Variants in KCNQ3 observed in about 807,000 individuals in gnomAD.
KCNQ3 encodes the protein potassium voltage-gated channel subfamily Q member 3.
Under a neutral mutation model 92.5 loss-of-function variants are expected in KCNQ3, and 30 were observed. The ratio of observed to expected loss-of-function variants is 0.32; its 90% CI spans 0.24 to 0.44. KCNQ3 has a LOEUF of 0.44. KCNQ3 is among the 20% of genes least tolerant of loss of function. The pLI, the probability that KCNQ3 is intolerant of heterozygous loss-of-function variation, is 1.00. For missense variants in KCNQ3, 913 were observed against 1,140.3 expected (o/e 0.80, Z 2.87); for synonymous variants, 450 against 468.8 (o/e 0.96, Z 0.52).
At chr8:132,257,048 T>C (rs1815611516) in intron 1 of KCNQ3, among the ~76,000 whole-genome samples, 1 of 152,164 alleles carries the variant, frequency 6.6e-6, no homozygotes, top group African/African-American at 2.4e-5. Flanking sequence ...TAATTATAAA[T>C]GTTTGTGAGC....
At chr8:132,148,653 C>T (rs1825536245) in intron 9 of KCNQ3, among the ~76,000 whole-genome samples, 1 of 152,196 alleles carries the variant, frequency 6.6e-6, no homozygotes, top group Non-Finnish European at 1.5e-5. Flanking sequence ...AAAAGATCAG[C>T]CTTCACCAAT....
intron 1 of KCNQ3, among the ~76,000 whole-genome samples, chr8:132,471,234 A>G (rs1436735199): frequency 4.6e-5 from 7 of 152,146 alleles, no homozygotes; most frequent in African/African-American, 9.7e-5. Flanking sequence ...TCACTCTTCT[A>G]TTGAGTACAC....
intron 1 of KCNQ3, among the ~76,000 whole-genome samples, chr8:132,187,820 T>TGGTGGC (rs1563795692): frequency 6.8e-6 from 1 of 146,206 alleles, no homozygotes; most frequent in African/African-American, 2.7e-5. Flanking sequence ...GTGGTGGTGG[T>TGGTGGC]GGTGGTGGTG....
intron 1 of KCNQ3, among the ~76,000 whole-genome samples, chr8:132,451,222 T>G (rs145728120): frequency 4.6e-4 from 70 of 152,354 alleles, no homozygotes; most frequent in Middle Eastern, 3.4e-3. Flanking sequence ...CCTGCTGCCA[T>G]GTAAAACGTG....
At chr8:132,163,590 G>C (rs1586788144) in intron 8 of KCNQ3, 96 bp from the exon 9 acceptor site, 2 of 1,072,858 alleles carry the variant, frequency 1.9e-6, no homozygotes, top group Admixed American at 1.8e-5. Flanking sequence ...CTCTGAAGAT[G>C]ATGGAGCAGA....
At chr8:132,314,919 C>T (rs1307932687) in intron 1 of KCNQ3, among the ~76,000 whole-genome samples, 1 of 152,114 alleles carries the variant, frequency 6.6e-6, no homozygotes, top group Non-Finnish European at 1.5e-5. Flanking sequence ...GATAGAAAAA[C>T]AACAACAACC....
At chr8:132,156,244 C>T (rs1395007370) in intron 9 of KCNQ3, among the ~76,000 whole-genome samples, 1 of 151,720 alleles carries the variant, frequency 6.6e-6, no homozygotes, top group Non-Finnish European at 1.5e-5. Context: ...CTCTTCAAGA[C>T]ATGATAGGTA....
chr8:132,130,233 C>A (rs1160290731), intron 14 of KCNQ3, among the ~76,000 whole-genome samples: 3 of 152,058 alleles, frequency 2.0e-5, no homozygotes, highest in Non-Finnish European at 4.4e-5. Context: ...AGGCACCCGC[C>A]ACCATGCCAG....
At chr8:132,469,940 TG>T (rs1339418895) in intron 1 of KCNQ3, among the ~76,000 whole-genome samples, 1 of 152,026 alleles carries the variant, frequency 6.6e-6, no homozygotes, top group African/African-American at 2.4e-5. Context: ...CATCCCTGGC[TG>T]CTTAAACCTC....
At position 132,246,386 on chromosome 8, in the gene KCNQ3, T is replaced by C. The variant is rs1815180376; in HGVS notation, c.387-60205A>G. The stretch of plus-strand genomic sequence containing the variant: ...GAAGAAGCTACAAAGTTAACAGAAA[T>C]AGGAGGTTTGCAGAGAAATATGCTG... On this transcript the variant is annotated intron_variant, in intron 1 of 14. Coordinates refer to ENST00000388996, the MANE Select transcript of KCNQ3 (RefSeq NM_004519.4). 2.6e-5 allele frequency among the ~76,000 whole-genome samples: 4 copies of C among 152,072 alleles called. No individual in the cohort carries two copies. In the South Asian group the frequency reaches 8.3e-4, roughly 32 times the overall value.
At chr8:132,387,431 T>C (rs532543710) in intron 1 of KCNQ3, among the ~76,000 whole-genome samples, 18 of 152,214 alleles carry the variant, frequency 1.2e-4, no homozygotes, top group African/African-American at 3.9e-4. Context: ...TTGAAACCAA[T>C]AGGAAACATC....
chr8:132,302,181 G>A (rs904388567), intron 1 of KCNQ3, among the ~76,000 whole-genome samples: 8 of 152,218 alleles, frequency 5.3e-5, no homozygotes, highest in African/African-American at 4.8e-5. Flanking sequence ...CTGAAGAGTA[G>A]AGAACGTGAA....
rs1268902942 is a variant in KCNQ3, at chr8:132,124,560, T to C, written c.*4702A>G. 6.6e-6 allele frequency: 1 copy of C among 152,240 alleles called. No homozygotes were observed. Among genetic ancestry groups the C allele is most frequent in the Non-Finnish European group, 1.5e-5 (1 of 68,040 alleles). 9.4% of individuals were successfully genotyped at this position (152,240 alleles called of 1,614,324 possible). A position where few individuals can be genotyped will look rare whatever the true frequency, so the allele number is the denominator to read the frequency against. ...CTGGCTTCTAAAACCACTAAAGCTA[T>C]GCAGATAGCCTGGTCCTAACATGTT... On this transcript the variant is annotated 3_prime_UTR_variant, in exon 15 of 15. Transcript: ENST00000388996.
At chr8:132,265,725 T>A (rs1314813524) in intron 1 of KCNQ3, among the ~76,000 whole-genome samples, 1 of 152,212 alleles carries the variant, frequency 6.6e-6, no homozygotes, top group Non-Finnish European at 1.5e-5. Context: ...CTACCACTCA[T>A]ATAGAACTAA....
At chr8:132,160,638 T>C (rs778164415) in intron 9 of KCNQ3, among the ~76,000 whole-genome samples, 1 of 149,314 alleles carries the variant, frequency 6.7e-6, no homozygotes, top group Admixed American at 6.6e-5. Flanking sequence ...AATCAGTTTA[T>C]TGAAAAGAAC....
chr8:132,317,577 A>G (rs532453577), intron 1 of KCNQ3, among the ~76,000 whole-genome samples: 1 of 152,208 alleles, frequency 6.6e-6, no homozygotes, highest in East Asian at 1.9e-4. Context: ...CCACGTTGAG[A>G]AGCATCTGTG....
chr8:132,219,285 G>C (rs1445796716), intron 1 of KCNQ3, among the ~76,000 whole-genome samples: 1 of 152,114 alleles, frequency 6.6e-6, no homozygotes, highest in African/African-American at 2.4e-5. Context: ...GTAAGTCTCA[G>C]ACCACCCTTG....
At chr8:132,187,492 A>C (rs571378491) in intron 1 of KCNQ3, among the ~76,000 whole-genome samples, 2 of 152,312 alleles carry the variant, frequency 1.3e-5, no homozygotes, top group Admixed American at 6.5e-5. Context: ...TTGTGTCTCC[A>C]ATCATGCCCA....
chr8:132,393,956 C>G (rs1820118823), intron 1 of KCNQ3, among the ~76,000 whole-genome samples: 1 of 152,184 alleles, frequency 6.6e-6, no homozygotes, highest in African/African-American at 2.4e-5. Flanking sequence ...ATCTGCCAGC[C>G]AGGGTTTGCC....
Sources: gnomAD v4.1 joint callset for allele counts (sites outside exome capture counted in the v4.1 genomes callset) on GRCh38, gnomAD v4.1.1 for gene constraint, MANE v1.5 for transcripts, NCBI Gene and HGNC (gene_info 2026-07-23, HGNC 2026-07-21) for gene names.